Variants in BICDL2 observed in about 807,000 individuals in gnomAD.
BICDL2 encodes BICD family like cargo adaptor 2, also known as BICD family-like cargo adapter 2.
In BICDL2, 62 loss-of-function variants were observed where a neutral mutation model predicts 56.6. The observed-to-expected ratio is 1.10, with a 90% CI of 0.89 to 1.35. BICDL2 has a LOEUF of 1.35. Ranked by LOEUF, BICDL2 falls within the 40% of genes most tolerant of loss-of-function variation. The probability of loss-of-function intolerance (pLI) is 0.00; values close to 1 mark genes in which losing one functional copy is unlikely to be tolerated. For synonymous variants in BICDL2, 358 were observed against 319.8 expected (o/e 1.12, Z -1.27); for missense variants, 808 against 684.5 (o/e 1.18, Z -2.01).
chr16:3,029,147 G>A, intron 7 of BICDL2, 133 bp downstream of exon 7: 6 of 1,178,916 alleles, frequency 5.1e-6, no homozygotes, highest in Non-Finnish European at 7.1e-6. Flanking sequence ...GCTGGCTCTT[G>A]AAGTAAGTTT....
Position 3,029,710 on chromosome 16 carries a change from C to T in BICDL2, c.792G>A (p.Glu264=), listed in dbSNP as rs771585379. The change falls in exon 6 of 10, where the codon GAG becomes GAA. Residue 264 remains glutamate, a synonymous_variant. Coordinates refer to ENST00000572449, the MANE Select transcript of BICDL2 (RefSeq NM_001369667.1). ...ELERARSEAG[E]ALSALRRLQR... is the part of the protein sequence containing the mutation. Reference sequence around the variant, plus strand: ...GCAGCCTCCGCAGCGCACTCAGCGCCTCCCCAGCCTCTGACCGTGCGCGTT... The same window carrying T: ...GCAGCCTCCGCAGCGCACTCAGCGCTTCCCCAGCCTCTGACCGTGCGCGTT... 6 of 1,539,738 alleles carry T rather than the reference C, an allele frequency of 3.9e-6. No individual in the cohort carries two copies. The highest frequency in any genetic ancestry group is 1.2e-5 in the South Asian group (1 of 84,524).
chr16:3,030,813 C>G lies in BICDL2; in HGVS notation c.499-1G>C. On this transcript the variant is annotated splice_acceptor_variant, in intron 3 of 9. Coordinates refer to ENST00000572449, the MANE Select transcript of BICDL2 (RefSeq NM_001369667.1). LOFTEE classifies it high-confidence loss of function. ...GAAGTTCCTGCTCAGTCTGGGAGGC[C>G]TGGGGAGGTGGAAAGAGGGACAGAG... 1.0e-5 allele frequency: 16 copies of G among 1,605,216 alleles called. No individual in the cohort carries two copies. The highest frequency in any genetic ancestry group is 1.4e-5 in the Non-Finnish European group (16 of 1,177,106).
At chr16:3,033,681 A>C (rs984597493) in intron 2 of BICDL2, among the ~76,000 whole-genome samples, 2 of 152,174 alleles carry the variant, frequency 1.3e-5, no homozygotes, top group East Asian at 1.9e-4. Context: ...ACTACTCAGG[A>C]GGCTGAGATG....
At chr16:3,031,771 C>A (rs528378094) in intron 2 of BICDL2, 2 of 381,194 alleles carry the variant, frequency 5.2e-6, no homozygotes, top group Non-Finnish European at 9.3e-6. Flanking sequence ...GCTGCTGCAG[C>A]GACTCGCAGG....
In BICDL2 at chr16:3,035,584, C is replaced by T. The variant is rs1955723972; in HGVS notation, c.-30-58G>A. 3 of 1,450,322 alleles carry T rather than the reference C, an allele frequency of 2.1e-6. No individual in the cohort carries two copies. In the South Asian group the frequency reaches 4.1e-5, roughly 20 times the overall value. The allele number at this position is 1,450,322 out of a possible 1,614,324, so 89.8% of individuals were successfully genotyped here. A position where few individuals can be genotyped will look rare whatever the true frequency, so the allele number is the denominator to read the frequency against. On this transcript the variant is annotated intron_variant, in intron 1 of 9. Coordinates refer to ENST00000572449, the MANE Select transcript of BICDL2 (RefSeq NM_001369667.1). ...GGCTCACCCTCCGCCCAGCACCTGGCCCTCCAGGAATTCTCCACCTGCTGC... is the reference window on the plus strand; with the variant it reads ...GGCTCACCCTCCGCCCAGCACCTGGTCCTCCAGGAATTCTCCACCTGCTGC...
intron 2 of BICDL2, among the ~76,000 whole-genome samples, chr16:3,033,507 G>C (rs186536085): frequency 2.0e-5 from 3 of 151,474 alleles, no homozygotes; most frequent in Non-Finnish European, 4.4e-5. Flanking sequence ...TTGGCTGAGC[G>C]CATTGACTCA....
chr16:3,035,338 C>G lies in BICDL2; in HGVS notation c.159G>C (p.Gln53His). The G allele has an allele frequency of 6.3e-7, 1 of 1,595,864 alleles. No individual in the cohort carries two copies. The highest frequency in any genetic ancestry group is 1.1e-5 in the South Asian group (1 of 88,476). The change falls in exon 2 of 10, where the codon CAG (glutamine) becomes CAC (histidine). Residue 53 changes from glutamine to histidine, a missense_variant. By Grantham distance (24) the Gln-to-His change is conservative (BLOSUM62 0). Transcript: ENST00000572449. ...GPEEPEDLAL[Q>H]LQQKEKDLLL... ...GCAGGTCTTTCTCCTTCTGCTGCAGCTGCAAGGCTAGGTCCTCGGGCTCCT... is the reference window on the plus strand; with the variant it reads ...GCAGGTCTTTCTCCTTCTGCTGCAGGTGCAAGGCTAGGTCCTCGGGCTCCT...
intron 2 of BICDL2, 119 bp from the exon 3 acceptor site, chr16:3,031,269 C>CTGTCTTGGACA: frequency 1.2e-6 from 1 of 815,778 alleles, no homozygotes; most frequent in Non-Finnish European, 1.9e-6. Flanking sequence ...GGCCTTGTGT[C>CTGTCTTGGACA]CAAGACAGAC....
chr16:3,030,052 G>T (rs962708551), intron 5 of BICDL2: 5 of 482,920 alleles, frequency 1.0e-5, no homozygotes, highest in Non-Finnish European at 1.1e-5. Flanking sequence ...TCCCACAGTA[G>T]TAAGTAAGAA....
At chr16:3,029,499 C>A (rs1233966586) in intron 6 of BICDL2, 46 bp downstream of exon 6, 3 of 1,570,598 alleles carry the variant, frequency 1.9e-6, no homozygotes, top group Middle Eastern at 1.7e-4. Flanking sequence ...GAGCCTGCAA[C>A]CCTCTCGATG....
rs1353316904 is a variant in BICDL2 at position 3,028,195 on chromosome 16, TCGA to T, written c.1435_1437del (p.Ser479del). 6.9e-7 allele frequency: 1 copy of T among 1,459,040 alleles called. No homozygotes were observed. The highest frequency in any genetic ancestry group is 9.0e-7 in the Non-Finnish European group (1 of 1,116,258). The allele number at this position is 1,459,040 out of a possible 1,614,324, so 90.4% of individuals were successfully genotyped here. ...AAGCGGGGCGCGGCACGGCGCGGGG[TCGA>T]CGACGACGCGGAGGCGCTCAGCTCC... On this transcript the variant is annotated inframe_deletion, in exon 10 of 10. Transcript: ENST00000572449.
At position 3,035,427 on chromosome 16, in the gene BICDL2, C is replaced by G. The variant is rs772074246; in HGVS notation, c.70G>C (p.Glu24Gln). The G allele has an allele frequency of 4.3e-6, 7 of 1,612,508 alleles. No homozygotes were observed. Among genetic ancestry groups the G allele is most frequent in the Non-Finnish European group, 5.9e-6 (7 of 1,179,846 alleles). Residue 24 changes from glutamate to glutamine, a missense_variant, in exon 2 of 10, where the codon GAG becomes CAG. By Grantham distance (29) the Glu-to-Gln change is conservative. Coordinates refer to ENST00000572449, the MANE Select transcript of BICDL2 (RefSeq NM_001369667.1). Reference protein sequence around the residue: ...LSGGASPSGDEGFFPFVLERR... With the variant: ...LSGGASPSGDQGFFPFVLERR... Reference sequence around the variant, plus strand: ...TCCAGCACAAAGGGGAAGAAGCCCTCGTCGCCGCTGGGAGAGGCGCCCCCT... The same window carrying G: ...TCCAGCACAAAGGGGAAGAAGCCCTGGTCGCCGCTGGGAGAGGCGCCCCCT...
chr16:3,033,252 C>T (rs1239569098), intron 2 of BICDL2, among the ~76,000 whole-genome samples: 2 of 152,126 alleles, frequency 1.3e-5, no homozygotes, highest in Non-Finnish European at 2.9e-5. Flanking sequence ...CTGCAGTGAG[C>T]CAAGATCGCA....
Position 3,030,374 on chromosome 16 carries a change from G to A in BICDL2, c.762+75C>T, listed in dbSNP as rs186753000. The A allele has an allele frequency of 9.0e-4, 1,375 of 1,527,570 alleles. 20 individuals are homozygous for A. In the African/African-American group the frequency reaches 0.017, roughly 19 times the overall value. 94.6% of individuals were successfully genotyped at this position (1,527,570 alleles called of 1,614,324 possible). On this transcript the variant is annotated intron_variant, in intron 5 of 9. Coordinates refer to ENST00000572449, the MANE Select transcript of BICDL2 (RefSeq NM_001369667.1). Reference sequence around the variant, plus strand: ...TGGGCCTCCCAGTGATCCAGCTCCGGCCTCATCTCCCAGAAAGCCCTGAAG... The same window carrying A: ...TGGGCCTCCCAGTGATCCAGCTCCGACCTCATCTCCCAGAAAGCCCTGAAG...
intron 7 of BICDL2, 101 bp from the exon 8 acceptor site, chr16:3,028,931 G>T (rs950452490): frequency 2.8e-6 from 4 of 1,411,190 alleles, no homozygotes; most frequent in Non-Finnish European, 3.8e-6. Context: ...TCCTCTGCCT[G>T]CGACAGACAC....
At chr16:3,031,455 T>C (rs1955653551) in intron 2 of BICDL2, 1 of 527,108 alleles carries the variant, frequency 1.9e-6, no homozygotes, top group Non-Finnish European at 3.4e-6. Flanking sequence ...GCAAGCGCCG[T>C]TTTTGGCGCC....
Position 3,030,923 on chromosome 16 carries a change from G to A in BICDL2, c.498+12C>T, listed in dbSNP as rs1567421874. The A allele has an allele frequency of 6.5e-7, 1 of 1,545,698 alleles. No homozygotes were observed. Among genetic ancestry groups the A allele is most frequent in the Non-Finnish European group, 8.7e-7 (1 of 1,151,196 alleles). On this transcript the variant is annotated intron_variant, in intron 3 of 9. Coordinates refer to ENST00000572449, the MANE Select transcript of BICDL2 (RefSeq NM_001369667.1). ...AACCTTGTCCAGGGCCCTGGGGTCA[G>A]GGCCATCCCACCTGAGCCAGCTGCT...
rs1955648326 is a variant in BICDL2 at position 3,031,126 on chromosome 16, G to A, written c.307C>T (p.Leu103Phe). 6.5e-7 allele frequency: 1 copy of A among 1,535,480 alleles called. No homozygotes were observed. The highest frequency in any genetic ancestry group is 1.2e-5 in the South Asian group (1 of 83,948). ...EERLQQENHE[L>F]RRGLAARGAE... ...CCTCGGGCTGCCAGGCCTCGCCGGA[G>A]CTCATGGTTCTCCTGCTGGAGCCGC... The change falls in exon 3 of 10, where the codon CTC (leucine) becomes TTC (phenylalanine). Residue 103 changes from leucine to phenylalanine, a missense_variant. Physicochemically the swap from Leu to Phe is conservative, Grantham distance 22. Transcript: ENST00000572449.
chr16:3,030,968 C>A lies in BICDL2; in HGVS notation c.465G>T (p.Glu155Asp). 1 of 1,550,534 alleles carries A rather than the reference C, an allele frequency of 6.4e-7. No individual in the cohort carries two copies. Among genetic ancestry groups the A allele is most frequent in the Non-Finnish European group, 8.7e-7 (1 of 1,154,068 alleles). The change falls in exon 3 of 10, where the codon GAG (glutamate) becomes GAT (aspartate). Residue 155 changes from glutamate to aspartate, a missense_variant. Glu to Asp is a conservative substitution (Grantham distance 45). Coordinates refer to ENST00000572449, the MANE Select transcript of BICDL2 (RefSeq NM_001369667.1). ...GCTGCTGGCTGAGCCGGAGGTTCTGCTCGCTGAGCTCGCTGAGGGCCCGTG... is the reference window on the plus strand; with the variant it reads ...GCTGCTGGCTGAGCCGGAGGTTCTGATCGCTGAGCTCGCTGAGGGCCCGTG... ...ERARALSELS[E>D]QNLRLSQQLA...
Sources: gnomAD v4.1 joint callset for allele counts (sites outside exome capture counted in the v4.1 genomes callset) on GRCh38, gnomAD v4.1.1 for gene constraint, MANE v1.5 for transcripts, NCBI Gene and HGNC (gene_info 2026-07-23, HGNC 2026-07-21) for gene names.